ERI1: variants seen among roughly 807,000 people sequenced by gnomAD.
The protein encoded by ERI1 is exoribonuclease 1, also known as 3'-5' exoribonuclease 1.
In ERI1, 39 loss-of-function variants were observed where a neutral mutation model predicts 39.7. That is an observed-to-expected ratio of 0.98 (90% confidence interval 0.76 to 1.28). The LOEUF is 1.28. Among genes scored for constraint, ERI1 ranks in the 50% most tolerant of loss-of-function variants. The pLI is 0.00. For missense variants in ERI1, 581 were observed against 416.9 expected (o/e 1.39, Z -3.43); for synonymous variants, 204 against 149.6 (o/e 1.36, Z -2.65).
At chr8:9,027,136 G>GGTGTGT (rs780775904) in intron 6 of ERI1, among the ~76,000 whole-genome samples, 9,906 of 137,430 alleles carry the variant, frequency 0.072, 404 homozygotes, top group Non-Finnish European at 0.088. Flanking sequence ...GTTATTTTCT[G>GGTGTGT]GTGTGTGTGT....
chr8:9,067,503 A>C (rs1488233075), intron 3 of ERI1, among the ~76,000 whole-genome samples: 1 of 151,850 alleles, frequency 6.6e-6, no homozygotes, highest in Non-Finnish European at 1.5e-5. Flanking sequence ...AAAGATGCAA[A>C]AATTAGCTGG....
chr8:9,075,397 G>C (rs1007330401), intron 3 of ERI1, among the ~76,000 whole-genome samples: 11 of 152,062 alleles, frequency 7.2e-5, no homozygotes, highest in African/African-American at 2.7e-4. Flanking sequence ...TTACCGAGGA[G>C]TTTGTGTACA....
intron 3 of ERI1, among the ~76,000 whole-genome samples, chr8:9,072,225 C>G (rs551216202): frequency 6.6e-6 from 1 of 152,280 alleles, no homozygotes; most frequent in East Asian, 1.9e-4. Flanking sequence ...CCTCATAGCC[C>G]TGTGAGGTTG....
intron 3 of ERI1, among the ~76,000 whole-genome samples, chr8:9,045,358 A>T (rs2117357236): frequency 6.6e-6 from 1 of 152,100 alleles, no homozygotes; most frequent in South Asian, 2.1e-4. Flanking sequence ...CATCCCACTT[A>T]CGTATACTTG....
intron 2 of ERI1, 103 bp from the exon 3 acceptor site, chr8:9,011,439 T>A: frequency 1.6e-6 from 1 of 617,446 alleles, no homozygotes; most frequent in Non-Finnish European, 2.6e-6. Context: ...TTTGCTAAAT[T>A]TCGCTGTGAT....
chr8:9,013,747 G>A (rs1468466380), intron 3 of ERI1, among the ~76,000 whole-genome samples: 5 of 152,060 alleles, frequency 3.3e-5, no homozygotes, highest in Non-Finnish European at 5.9e-5. Context: ...CTGGGGGATG[G>A]CAGCTTTTTC....
intron 3 of ERI1, among the ~76,000 whole-genome samples, chr8:9,071,343 A>G (rs1260367966): frequency 2.6e-5 from 4 of 152,180 alleles, no homozygotes; most frequent in Admixed American, 2.6e-4. Context: ...TAGTTATTAC[A>G]TTTGGGAGTA....
At chr8:9,081,684 G>GTT (rs1346935951) in intron 3 of ERI1, among the ~76,000 whole-genome samples, 1 of 101,452 alleles carries the variant, frequency 9.9e-6, no homozygotes. Flanking sequence ...TTCTTCTTTT[G>GTT]TTTTTGTTTT....
At chr8:9,022,772 C>G (rs1334827959) in intron 6 of ERI1, among the ~76,000 whole-genome samples, 5 of 152,050 alleles carry the variant, frequency 3.3e-5, no homozygotes, top group Non-Finnish European at 4.4e-5. Context: ...TGGAAAATTT[C>G]AAACATAACA....
At chr8:9,009,206 T>C (rs1816406078) in intron 2 of ERI1, 2 of 385,896 alleles carry the variant, frequency 5.2e-6, no homozygotes, top group South Asian at 1.9e-5. Context: ...ATTGAAGTTA[T>C]AAAGGTAAAT....
intron 5 of ERI1, 127 bp downstream of exon 5, chr8:9,018,533 TA>T (rs1446758758): frequency 5.3e-6 from 3 of 570,922 alleles, no homozygotes; most frequent in Non-Finnish European, 9.2e-6. Flanking sequence ...CCACAGGGAA[TA>T]GTATTTTTCC....
At chr8:9,037,103 C>T (rs964044981), downstream of ERI1, among the ~76,000 whole-genome samples, 50 of 152,164 alleles carry the variant, frequency 3.3e-4, no homozygotes, top group Admixed American at 3.2e-3. Context: ...CATAAAAAAC[C>T]TTCCTAAAAT....
chr8:9,068,652 A>G (rs760584378), intron 3 of ERI1, among the ~76,000 whole-genome samples: 1 of 151,874 alleles, frequency 6.6e-6, no homozygotes, highest in Non-Finnish European at 1.5e-5. Flanking sequence ...CCTAGGATGC[A>G]TTGTGTCTGA....
At chr8:9,052,747 G>T in intron 3 of ERI1, among the ~76,000 whole-genome samples, 1 of 152,190 alleles carries the variant, frequency 6.6e-6, no homozygotes, top group South Asian at 2.1e-4. Flanking sequence ...TCCTGGCACT[G>T]AGCATCAAAG....
downstream of ERI1, among the ~76,000 whole-genome samples, chr8:9,036,349 A>G (rs114066046): frequency 0.011 from 1,678 of 152,298 alleles, 37 homozygotes; most frequent in African/African-American, 0.038. Flanking sequence ...AGCCACTCCA[A>G]TCTTCATCAC....
intron 3 of ERI1, among the ~76,000 whole-genome samples, chr8:9,059,769 G>A (rs116790922): frequency 0.023 from 3,550 of 152,188 alleles, 142 homozygotes; most frequent in African/African-American, 0.079. Flanking sequence ...TATCAGCTGC[G>A]ATGGCTTGGA....
At chr8:9,017,074 C>G (rs1414662710) in intron 4 of ERI1, among the ~76,000 whole-genome samples, 4 of 152,092 alleles carry the variant, frequency 2.6e-5, no homozygotes, top group African/African-American at 7.2e-5. Context: ...GAGTCTCACT[C>G]TGTTGCCCAG....
intron 3 of ERI1, among the ~76,000 whole-genome samples, chr8:9,067,282 T>A (rs1318946249): frequency 2.0e-5 from 3 of 152,098 alleles, no homozygotes; most frequent in Non-Finnish European, 4.4e-5. Context: ...TTAAGTTTTC[T>A]AGATATAAAG....
At chr8:9,026,496 G>T (rs1292828864) in intron 6 of ERI1, among the ~76,000 whole-genome samples, 1 of 152,086 alleles carries the variant, frequency 6.6e-6, no homozygotes, top group Non-Finnish European at 1.5e-5. Flanking sequence ...GATCTTTTGT[G>T]ACTGGCATAT....
Sources: allele counts gnomAD v4.1 joint callset (sites outside exome capture counted in the v4.1 genomes callset), GRCh38; gene constraint gnomAD v4.1.1; transcripts MANE v1.5; gene names NCBI Gene and HGNC (gene_info 2026-07-23, HGNC 2026-07-21).